TNNI3K: variants seen among roughly 807,000 people sequenced by gnomAD.
TNNI3K encodes TNNI3 interacting kinase.
A neutral mutation model predicts 114.5 loss-of-function variants in TNNI3K; 140 were observed. The ratio of observed to expected loss-of-function variants is 1.22; its 90% CI spans 1.07 to 1.41. The LOEUF is 1.41. Among genes scored for constraint, TNNI3K ranks in the 40% most tolerant of loss-of-function variants. The probability of loss-of-function intolerance (pLI) is 0.00; values close to 1 mark genes in which losing one functional copy is unlikely to be tolerated. For synonymous variants in TNNI3K, 347 were observed against 347.5 expected (o/e 1.00, Z 0.02); for missense variants, 1,125 against 1,007.6 (o/e 1.12, Z -1.58).
At chr1:74,371,421 A>G (rs988416925) in intron 17 of TNNI3K, 1 of 151,840 alleles carries the variant, frequency 6.6e-6, no homozygotes. Flanking sequence ...AATAAGTTAT[A>G]TACAAGATTT....
intron 5 of TNNI3K, among the ~76,000 whole-genome samples, chr1:74,290,375 A>T (rs1294674766): frequency 6.6e-6 from 1 of 151,708 alleles, no homozygotes; most frequent in Non-Finnish European, 1.5e-5. Context: ...TACCTTTGAA[A>T]TACTGCTGTC....
At chr1:74,420,794 A>T (rs2100634084) in intron 17 of TNNI3K, among the ~76,000 whole-genome samples, 1 of 152,256 alleles carries the variant, frequency 6.6e-6, no homozygotes, top group East Asian at 1.9e-4. Flanking sequence ...TGTGACTTTT[A>T]TCAATCTTTG....
intron 5 of TNNI3K, among the ~76,000 whole-genome samples, chr1:74,312,339 A>G (rs1005702287): frequency 1.3e-5 from 2 of 152,230 alleles, no homozygotes; most frequent in African/African-American, 2.4e-5. Context: ...TACATGTTCA[A>G]CAGTCTTTGA....
intron 21 of TNNI3K, among the ~76,000 whole-genome samples, chr1:74,477,346 T>G (rs1184717990): frequency 6.6e-6 from 1 of 152,152 alleles, no homozygotes; most frequent in African/African-American, 2.4e-5. Flanking sequence ...ATAATATATG[T>G]GACATGTTTA....
In TNNI3K at chr1:74,481,087, A is replaced by G. The variant is rs911804250; in HGVS notation, c.2122-8102A>G. The G allele has an allele frequency of 6.9e-6, 4 of 582,572 alleles. No homozygotes were observed. The African/African-American group carries it at 7.5e-5, about 11-fold the overall frequency. The allele number at this position is 582,572 out of a possible 1,614,324, so 36.1% of individuals were successfully genotyped here. A position where few individuals can be genotyped will look rare whatever the true frequency, so the allele number is the denominator to read the frequency against. On this transcript the variant is annotated intron_variant, in intron 21 of 24. Transcript: ENST00000326637. ...ATCTTATCACCTGGGTAAAAACAATAAACAATACAAAAAATGAAAATGATT... is the reference window on the plus strand; with the variant it reads ...ATCTTATCACCTGGGTAAAAACAATGAACAATACAAAAAATGAAAATGATT...
intron 9 of TNNI3K, among the ~76,000 whole-genome samples, chr1:74,349,501 G>A (rs556316134): frequency 2.0e-5 from 3 of 152,258 alleles, no homozygotes; most frequent in Admixed American, 1.3e-4. Flanking sequence ...GAGTTAGGGA[G>A]GATTCCCTCT....
At chr1:74,387,815 A>G (rs1400815015) in intron 17 of TNNI3K, among the ~76,000 whole-genome samples, 1 of 152,156 alleles carries the variant, frequency 6.6e-6, no homozygotes, top group Non-Finnish European at 1.5e-5. Flanking sequence ...TATCTACCTC[A>G]TAGTGTTTTA....
At chr1:74,343,031 T>C in intron 8 of TNNI3K, 44 bp from the exon 9 acceptor site, 1 of 1,613,442 alleles carries the variant, frequency 6.2e-7, no homozygotes, top group Non-Finnish European at 8.5e-7. Context: ...GTATACTGCA[T>C]GTACTTGCTT....
rs190558023 is a variant in TNNI3K at position 74,303,414 on chromosome 1, C to T, written c.445-28036C>T. ...TCCTGACCTCATGTGATCTGCCCGCCTTGGTCTCCCAAAGTGCTGGGATTA... is the reference window on the plus strand; with the variant it reads ...TCCTGACCTCATGTGATCTGCCCGCTTTGGTCTCCCAAAGTGCTGGGATTA... On this transcript the variant is annotated intron_variant, in intron 5 of 24. Coordinates refer to ENST00000326637, the MANE Select transcript of TNNI3K (RefSeq NM_015978.3). 1.1e-4 allele frequency among the ~76,000 whole-genome samples: 16 copies of T among 152,190 alleles called. 1 individual carries two copies. In the East Asian group the frequency reaches 2.9e-3, roughly 28 times the overall value.
intron 17 of TNNI3K, among the ~76,000 whole-genome samples, chr1:74,386,294 A>G (rs1056276545): frequency 1.3e-5 from 2 of 152,132 alleles, no homozygotes; most frequent in African/African-American, 4.8e-5. Context: ...CTTCAGACCT[A>G]TTCAGTATTG....
At chr1:74,498,731 C>CG (rs1016591543) in intron 23 of TNNI3K, among the ~76,000 whole-genome samples, 47 of 152,076 alleles carry the variant, frequency 3.1e-4, no homozygotes, top group African/African-American at 1.1e-3. Context: ...CAGTCTTCCC[C>CG]CCGACTATTA....
At chr1:74,469,660 T>C (rs957868946) in intron 21 of TNNI3K, 2 of 370,032 alleles carry the variant, frequency 5.4e-6, no homozygotes, top group Non-Finnish European at 9.6e-6. Flanking sequence ...TAGAGAAGCA[T>C]ACTCAGTTAA....
intron 4 of TNNI3K, among the ~76,000 whole-genome samples, chr1:74,268,782 A>G (rs1656170688): frequency 6.6e-6 from 1 of 151,836 alleles, no homozygotes; most frequent in South Asian, 2.1e-4. Flanking sequence ...CCTTATATGC[A>G]GCTCAAATTT....
At chr1:74,447,858 C>G (rs1666773332) in intron 20 of TNNI3K, among the ~76,000 whole-genome samples, 1 of 2,992 alleles carries the variant, frequency 3.3e-4, no homozygotes, top group Non-Finnish European at 6.6e-4. Flanking sequence ...TTGGAACCAA[C>G]CCAAATGTCC....
At chr1:74,503,987 C>T (rs1669763602) in intron 23 of TNNI3K, among the ~76,000 whole-genome samples, 1 of 152,178 alleles carries the variant, frequency 6.6e-6, no homozygotes, top group Non-Finnish European at 1.5e-5. Flanking sequence ...AAAGTTAAAA[C>T]TATCTCCATG....
chr1:74,354,600 A>G (rs972061495), intron 11 of TNNI3K, among the ~76,000 whole-genome samples: 2 of 152,164 alleles, frequency 1.3e-5, no homozygotes, highest in Non-Finnish European at 2.9e-5. Context: ...ATATAAACTT[A>G]TTTGCTTAAG....
intron 23 of TNNI3K, among the ~76,000 whole-genome samples, chr1:74,525,600 T>C (rs1195056004): frequency 2.0e-5 from 3 of 152,190 alleles, no homozygotes; most frequent in Non-Finnish European, 4.4e-5. Flanking sequence ...ATGCCAAGGC[T>C]ACAGAGATAA....
chr1:74,487,067 TGTAAA>T (rs1557600053), intron 21 of TNNI3K, among the ~76,000 whole-genome samples: 2 of 152,204 alleles, frequency 1.3e-5, no homozygotes, highest in African/African-American at 4.8e-5. Flanking sequence ...ACAATTTTGC[TGTAAA>T]GTAAACAGCA....
intron 5 of TNNI3K, among the ~76,000 whole-genome samples, chr1:74,320,345 T>A (rs1659540302): frequency 6.6e-6 from 1 of 152,210 alleles, no homozygotes; most frequent in African/African-American, 2.4e-5. Flanking sequence ...TCATAACCAG[T>A]TAAACATTTT....
Sources: allele counts gnomAD v4.1 joint callset (sites outside exome capture counted in the v4.1 genomes callset), GRCh38; gene constraint gnomAD v4.1.1; transcripts MANE v1.5; gene names NCBI Gene and HGNC (gene_info 2026-07-23, HGNC 2026-07-21).